The following SS18 variants were observed in gnomAD, a reference collection of about 807,000 sequenced individuals.
SS18 encodes the protein SS18 subunit of BAF chromatin remodeling complex.
Under a neutral mutation model 72.5 loss-of-function variants are expected in SS18, and 28 were observed. The observed-to-expected ratio is 0.39, with a 90% confidence interval of 0.29 to 0.53. The LOEUF (loss-of-function observed/expected upper bound fraction) is 0.53, where lower values mean the gene tolerates loss of function less well. Ranked by LOEUF, SS18 falls within the 20% of genes least tolerant of loss-of-function variation. SS18 has a pLI of 0.76. For synonymous variants in SS18, 172 were observed against 164.2 expected (o/e 1.05, Z -0.37); for missense variants, 518 against 535.3 (o/e 0.97, Z 0.32).
chr18:26,081,165 A>G (rs1489534068), intron 2 of SS18: 1 of 151,260 alleles, frequency 6.6e-6, no homozygotes, highest in Non-Finnish European at 1.5e-5. Context: ...GTAAAATTGC[A>G]TTATTTTATA....
chr18:26,053,095 T>G (rs1004449540), intron 4 of SS18, among the ~76,000 whole-genome samples: 1 of 152,188 alleles, frequency 6.6e-6, no homozygotes, highest in Non-Finnish European at 1.5e-5. Context: ...AGCTTCTTCA[T>G]AAAAGAGCAA....
chr18:26,054,192 T>C (rs546130394), intron 4 of SS18, among the ~76,000 whole-genome samples: 3 of 152,346 alleles, frequency 2.0e-5, no homozygotes, highest in South Asian at 4.1e-4. Flanking sequence ...AGTATGTACA[T>C]GTTCAATACA....
At chr18:26,034,897 T>C (rs1463869133) in intron 9 of SS18, 108 bp downstream of exon 9, 21 of 1,405,778 alleles carry the variant, frequency 1.5e-5, no homozygotes, top group Non-Finnish European at 1.8e-5. Flanking sequence ...TAAAACTGAA[T>C]TTTCAAGTGA....
At chr18:26,061,400 T>A (rs1410459705) in intron 3 of SS18, among the ~76,000 whole-genome samples, 1 of 152,194 alleles carries the variant, frequency 6.6e-6, no homozygotes, top group Non-Finnish European at 1.5e-5. Flanking sequence ...CAAATGACAA[T>A]TCCAGAAAAG....
At chr18:26,079,376 T>C (rs138626810) in intron 2 of SS18, among the ~76,000 whole-genome samples, 1 of 152,318 alleles carries the variant, frequency 6.6e-6, no homozygotes, top group African/African-American at 2.4e-5. Flanking sequence ...AGTGCAGCCA[T>C]ACAAGCCCCA....
intron 2 of SS18, among the ~76,000 whole-genome samples, chr18:26,082,716 T>C (rs1174946334): frequency 6.6e-6 from 1 of 152,212 alleles, no homozygotes; most frequent in Non-Finnish European, 1.5e-5. Context: ...ATATTTGAAT[T>C]TGTGTGTGTC....
At chr18:26,021,675 A>G (rs2053353158) in intron 10 of SS18, among the ~76,000 whole-genome samples, 1 of 152,214 alleles carries the variant, frequency 6.6e-6, no homozygotes, top group South Asian at 2.1e-4. Flanking sequence ...GAATGGGTTC[A>G]AAAGCTTTTC....
chr18:26,069,809 T>C (rs2054282597), intron 3 of SS18, among the ~76,000 whole-genome samples: 1 of 152,262 alleles, frequency 6.6e-6, no homozygotes, highest in Non-Finnish European at 1.5e-5. Flanking sequence ...AATGAAATTG[T>C]TCTCTCATAA....
intron 5 of SS18, among the ~76,000 whole-genome samples, chr18:26,045,381 C>G (rs1043294676): frequency 1.4e-4 from 22 of 152,258 alleles, no homozygotes; most frequent in African/African-American, 4.8e-4. Context: ...TCACTCCGCT[C>G]CAGTTCGACG....
intron 3 of SS18, among the ~76,000 whole-genome samples, chr18:26,070,897 C>T (rs1598598072): frequency 1.3e-5 from 2 of 152,104 alleles, no homozygotes; most frequent in Non-Finnish European, 2.9e-5. Context: ...TAGTAACATC[C>T]TCTCAGCAAA....
intron 4 of SS18, among the ~76,000 whole-genome samples, chr18:26,053,736 G>C (rs931606916): frequency 6.6e-6 from 1 of 152,014 alleles, no homozygotes; most frequent in African/African-American, 2.4e-5. Context: ...AAAATAGGAA[G>C]GCAAATTAAA....
intron 3 of SS18, among the ~76,000 whole-genome samples, chr18:26,066,243 A>T (rs1025732994): frequency 6.6e-6 from 1 of 152,106 alleles, no homozygotes; most frequent in African/African-American, 2.4e-5. Context: ...ATCATCTAGT[A>T]GCAAATAGAG....
intron 5 of SS18, among the ~76,000 whole-genome samples, chr18:26,047,259 C>CAAAAAAAAAAAAAAAAAAAAAAACA (rs71169806): frequency 1.3e-5 from 1 of 75,716 alleles, no homozygotes; most frequent in Non-Finnish European, 2.8e-5. Context: ...AGTAATATGC[C>CAAAAAAAAAAAAAAAAAAAAAAACA]AAAAAAAAAA....
chr18:26,037,958 A>G (rs1472069546), intron 7 of SS18, among the ~76,000 whole-genome samples: 1 of 152,104 alleles, frequency 6.6e-6, no homozygotes, highest in African/African-American at 2.4e-5. Flanking sequence ...ACAAAAAACA[A>G]AAAACCCTAA....
chr18:26,029,164 GC>G, intron 10 of SS18, among the ~76,000 whole-genome samples: 1 of 152,286 alleles, frequency 6.6e-6, no homozygotes, highest in South Asian at 2.1e-4. Flanking sequence ...CAGCAAATAG[GC>G]CAGTGTGACT....
chr18:26,024,828 T>G (rs2053418064), intron 10 of SS18, among the ~76,000 whole-genome samples: 1 of 152,086 alleles, frequency 6.6e-6, no homozygotes, highest in Admixed American at 6.6e-5. Flanking sequence ...ATAATCACAC[T>G]AAACATGTCA....
chr18:26,053,683 T>G (rs925697337), intron 4 of SS18, among the ~76,000 whole-genome samples: 1 of 152,042 alleles, frequency 6.6e-6, no homozygotes, highest in Non-Finnish European at 1.5e-5. Context: ...ACACAAAAAC[T>G]ACAAAAAGGT....
intron 2 of SS18, 55 bp from the exon 3 acceptor site, chr18:26,078,215 T>A: frequency 7.7e-7 from 1 of 1,302,156 alleles, no homozygotes; most frequent in Non-Finnish European, 1.1e-6. Context: ...CCTACCTGCC[T>A]AAGTACAAAC....
At chr18:26,046,244 A>C (rs1243406727) in intron 5 of SS18, among the ~76,000 whole-genome samples, 1 of 140,580 alleles carries the variant, frequency 7.1e-6, no homozygotes, top group Non-Finnish European at 1.5e-5. Flanking sequence ...AAAAAGAAAC[A>C]CTGAGAATTA....
Sources: gnomAD v4.1 joint callset for allele counts (sites outside exome capture counted in the v4.1 genomes callset) on GRCh38, gnomAD v4.1.1 for gene constraint, MANE v1.5 for transcripts, NCBI Gene and HGNC (gene_info 2026-07-23, HGNC 2026-07-21) for gene names.